Variants in FARP1 observed in about 807,000 individuals in gnomAD.
The protein encoded by FARP1 is FERM, ARHGEF and pleckstrin domain-containing protein 1.
Under a neutral mutation model 128.8 loss-of-function variants are expected in FARP1, and 52 were observed. The ratio of observed to expected loss-of-function variants is 0.40; its 90% CI spans 0.32 to 0.51. The LOEUF (loss-of-function observed/expected upper bound fraction) is 0.51, where lower values mean the gene tolerates loss of function less well. Ranked by LOEUF, FARP1 falls within the 20% of genes least tolerant of loss-of-function variation. The probability of loss-of-function intolerance (pLI) is 0.45; values close to 1 mark genes in which losing one functional copy is unlikely to be tolerated. For missense variants in FARP1, 1,333 were observed against 1,367.9 expected, an observed-to-expected ratio of 0.97 and a Z score of 0.40; for synonymous variants, 580 against 551.8, an observed-to-expected ratio of 1.05 and a Z score of -0.72.
Position 98,395,355 on chromosome 13 carries a change from G to A in FARP1, c.1293G>A (p.Arg431=), listed in dbSNP as rs540353086. 1.3e-5 allele frequency: 21 copies of A among 1,611,856 alleles called. No individual in the cohort carries two copies. In the African/African-American group the frequency reaches 2.5e-4, roughly 19 times the overall value. The part of the protein sequence containing the change: ...EPGSHPSPAP[R]RSPAGNKQAD... Reference sequence around the variant, plus strand: ...GGTCGCACCCGAGCCCTGCGCCGAGGAGAAGCCCCGCGGGTAACAAGCAGG... The same window carrying A: ...GGTCGCACCCGAGCCCTGCGCCGAGAAGAAGCCCCGCGGGTAACAAGCAGG... Residue 431 remains arginine (R), a synonymous_variant, in exon 13 of 27, where the codon AGG becomes AGA. Coordinates refer to ENST00000319562, the MANE Select transcript of FARP1 (RefSeq NM_005766.4).
chr13:98,227,313 G>T (rs1881853167), intron 2 of FARP1, among the ~76,000 whole-genome samples: 1 of 152,002 alleles, frequency 6.6e-6, no homozygotes, highest in South Asian at 2.1e-4. Flanking sequence ...AGTCCACGTT[G>T]AAAAAATGTC....
chr13:98,208,113 A>T (rs1179290149), intron 1 of FARP1, among the ~76,000 whole-genome samples: 1 of 152,048 alleles, frequency 6.6e-6, no homozygotes, highest in East Asian at 1.9e-4. Context: ...AACCAAACAG[A>T]TTAGAAACAG....
In FARP1 at chr13:98,439,119, C is replaced by A; in HGVS notation, c.2356C>A (p.Leu786Met). The A allele has an allele frequency of 2.5e-6, 4 of 1,613,726 alleles. No homozygotes were observed. Among genetic ancestry groups the A allele is most frequent in the Non-Finnish European group, 2.5e-6 (3 of 1,179,774 alleles). Residue 786 changes from leucine to methionine, a missense_variant, in exon 21 of 27, where the codon CTG becomes ATG. This residue lies in a region of FARP1 where 1,009 missense variants were observed against 969.8 expected (regional missense o/e 1.04). Coordinates refer to ENST00000319562, the MANE Select transcript of FARP1 (RefSeq NM_005766.4). Reference protein sequence around the residue: ...QRMFFLFNDVLLYTSRGLTAS... With the variant: ...QRMFFLFNDVMLYTSRGLTAS... ...CTGATTCCTCCAGTTCAACGACGTC[C>A]TGCTATACACGAGCCGGGGGCTGAC...
intron 2 of FARP1, among the ~76,000 whole-genome samples, chr13:98,247,397 C>T (rs1243629690): frequency 1.3e-5 from 2 of 152,180 alleles, no homozygotes; most frequent in Non-Finnish European, 2.9e-5. Context: ...TTTAACTGCC[C>T]TTTAAGAAAG....
At chr13:98,220,962 T>C (rs879651832) in intron 2 of FARP1, among the ~76,000 whole-genome samples, 4 of 152,178 alleles carry the variant, frequency 2.6e-5, no homozygotes, top group Non-Finnish European at 5.9e-5. Context: ...TGGAGGAAGT[T>C]TGAAAAGCTG....
intron 25 of FARP1, 200 bp downstream of exon 25, chr13:98,446,405 ACTTCTGCCCTAGGAAGGGCCACCTGT>A: frequency 1.7e-6 from 1 of 600,610 alleles, no homozygotes; most frequent in African/African-American, 1.9e-5. Context: ...CTGAAGGACA[ACTTCTGCCCTAGGAAGGGCCACCTGT>A]CTTCTGCCTG....
intron 11 of FARP1, among the ~76,000 whole-genome samples, chr13:98,391,938 A>T (rs1321339567): frequency 6.6e-6 from 1 of 152,178 alleles, no homozygotes; most frequent in African/African-American, 2.4e-5. Flanking sequence ...TACATTTAAA[A>T]ATTACAATAA....
intron 2 of FARP1, among the ~76,000 whole-genome samples, chr13:98,342,354 G>T (rs1382532132): frequency 6.6e-6 from 1 of 152,190 alleles, no homozygotes; most frequent in African/African-American, 2.4e-5. Context: ...TCCTTCAGTA[G>T]GTGAATAAAC....
intron 2 of FARP1, among the ~76,000 whole-genome samples, chr13:98,255,237 C>A (rs139843371): frequency 3.9e-5 from 6 of 152,072 alleles, no homozygotes; most frequent in African/African-American, 1.2e-4. Flanking sequence ...CGGTGGCTCA[C>A]GCCTGTAATC....
At chr13:98,257,444 T>TATC (rs1491313277) in intron 2 of FARP1, among the ~76,000 whole-genome samples, 1 of 139,056 alleles carries the variant, frequency 7.2e-6, no homozygotes, top group Non-Finnish European at 1.5e-5. Context: ...TTCTGCACTA[T>TATC]CTATTATACA....
At chr13:98,155,967 C>T (rs553723764) in intron 1 of FARP1, among the ~76,000 whole-genome samples, 52 of 152,346 alleles carry the variant, frequency 3.4e-4, no homozygotes, top group African/African-American at 1.1e-3. Context: ...GTCTTGGAAG[C>T]TGGCTGCCAC....
At chr13:98,387,164 G>A (rs2140045615) in intron 8 of FARP1, among the ~76,000 whole-genome samples, 1 of 152,290 alleles carries the variant, frequency 6.6e-6, no homozygotes, top group South Asian at 2.1e-4. Flanking sequence ...AGCTGGGCAT[G>A]ATGGCGTGTA....
At chr13:98,342,639 G>C (rs1248463499) in intron 2 of FARP1, among the ~76,000 whole-genome samples, 1 of 152,186 alleles carries the variant, frequency 6.6e-6, no homozygotes, top group Non-Finnish European at 1.5e-5. Flanking sequence ...GGCGGAGATT[G>C]CAGTGAGCTG....
chr13:98,432,150 G>A (rs1011117686), intron 18 of FARP1: 1 of 152,252 alleles, frequency 6.6e-6, no homozygotes, highest in African/African-American at 2.4e-5. Flanking sequence ...AGCTTGGAGG[G>A]AAATGATTTG....
chr13:98,276,544 G>A (rs1884662451), intron 2 of FARP1, among the ~76,000 whole-genome samples: 1 of 150,178 alleles, frequency 6.7e-6, no homozygotes, highest in Non-Finnish European at 1.5e-5. Flanking sequence ...ATTGGGTTAG[G>A]GTAGAGGGGA....
chr13:98,358,441 A>G (rs1888727191), intron 3 of FARP1, among the ~76,000 whole-genome samples: 1 of 152,158 alleles, frequency 6.6e-6, no homozygotes, highest in South Asian at 2.1e-4. Context: ...TGCTTTGTAT[A>G]GGAAAATAAA....
chr13:98,301,184 A>G (rs548797941), intron 2 of FARP1, among the ~76,000 whole-genome samples: 2 of 152,316 alleles, frequency 1.3e-5, no homozygotes, highest in African/African-American at 4.8e-5. Context: ...TGCAGAGCTC[A>G]TGCCAGCCCC....
At chr13:98,408,460 G>A (rs1233295900) in intron 13 of FARP1, among the ~76,000 whole-genome samples, 1 of 148,802 alleles carries the variant, frequency 6.7e-6, no homozygotes, top group Non-Finnish European at 1.5e-5. Flanking sequence ...CCAAGTAGCT[G>A]GGATTGCAGG....
chr13:98,242,688 G>T (rs1180914825), intron 2 of FARP1, among the ~76,000 whole-genome samples: 1 of 152,106 alleles, frequency 6.6e-6, no homozygotes, highest in Non-Finnish European at 1.5e-5. Flanking sequence ...AAGAAATCTG[G>T]ACTTAATATA....
Sources: allele counts gnomAD v4.1 joint callset (sites outside exome capture counted in the v4.1 genomes callset), GRCh38; gene constraint gnomAD v4.1.1; regional missense constraint gnomAD v4.1.1; transcripts MANE v1.5; gene names NCBI Gene and HGNC (gene_info 2026-07-23, HGNC 2026-07-21).